Variants in DPH6 observed in about 807,000 individuals in gnomAD.
The protein encoded by DPH6 is diphthine--ammonia ligase.
In DPH6, 33 loss-of-function variants were observed where a neutral mutation model predicts 38.2. The observed-to-expected ratio is 0.86, with a 90% CI of 0.65 to 1.15. The LOEUF is 1.15. Among genes scored for constraint, DPH6 ranks in the 50% most tolerant of loss-of-function variants. The pLI, the probability that DPH6 is intolerant of heterozygous loss-of-function variation, is 0.00. For missense variants in DPH6, 325 were observed against 320.0 expected (o/e 1.02, Z -0.12); for synonymous variants, 108 against 103.0 (o/e 1.05, Z -0.30).
intron 5 of DPH6, among the ~76,000 whole-genome samples, chr15:35,417,268 G>GA (rs2053447940): frequency 6.6e-6 from 1 of 151,838 alleles, no homozygotes; most frequent in Non-Finnish European, 1.5e-5. Context: ...ACAAAGATCT[G>GA]AAAAAACAGA....
At chr15:35,313,231 TA>T (rs1396845162) in intron 3 of DPH6, among the ~76,000 whole-genome samples, 4 of 151,540 alleles carry the variant, frequency 2.6e-5, no homozygotes, top group East Asian at 1.9e-4. Flanking sequence ...AGACTCAGTT[TA>T]AAAAAAAATT....
chr15:35,288,489 G>C (rs1446595040), intron 3 of DPH6, among the ~76,000 whole-genome samples: 1 of 151,816 alleles, frequency 6.6e-6, no homozygotes, highest in Non-Finnish European at 1.5e-5. Context: ...AATTTTTTTT[G>C]AGGTACGTTT....
chr15:35,269,392 A>T (rs1199978188), intron 3 of DPH6, among the ~76,000 whole-genome samples: 1 of 152,168 alleles, frequency 6.6e-6, no homozygotes, highest in Non-Finnish European at 1.5e-5. Flanking sequence ...ACAAAATGAG[A>T]TGTTTAGACT....
chr15:35,337,493 C>T (rs1199920697), intron 3 of DPH6, among the ~76,000 whole-genome samples: 2 of 152,088 alleles, frequency 1.3e-5, no homozygotes, highest in African/African-American at 4.8e-5. Context: ...AGGACCTCTT[C>T]AAGGAGAACT....
At chr15:35,325,926 G>T (rs2052278433), downstream of DPH6, among the ~76,000 whole-genome samples, 2 of 151,982 alleles carry the variant, frequency 1.3e-5, no homozygotes, top group Non-Finnish European at 2.9e-5. Flanking sequence ...ACACAAAACG[G>T]CAGATAAATA....
intron 3 of DPH6, among the ~76,000 whole-genome samples, chr15:35,261,036 C>T (rs985479120): frequency 2.0e-5 from 3 of 152,132 alleles, no homozygotes; most frequent in Non-Finnish European, 4.4e-5. Flanking sequence ...AGGAAATTCC[C>T]GGAAGTCAAA....
chr15:35,387,308 T>A (rs930200140), intron 6 of DPH6, among the ~76,000 whole-genome samples: 4 of 152,196 alleles, frequency 2.6e-5, no homozygotes, highest in African/African-American at 9.6e-5. Flanking sequence ...TGGCTTAGGA[T>A]TGACTTGGCA....
At chr15:35,410,155 T>C (rs912810835) in intron 6 of DPH6, among the ~76,000 whole-genome samples, 1 of 151,816 alleles carries the variant, frequency 6.6e-6, no homozygotes, top group African/African-American at 2.4e-5. Context: ...TTAAAAGAGA[T>C]AGGTTCTTTC....
intron 3 of DPH6, among the ~76,000 whole-genome samples, chr15:35,236,031 T>C (rs560196739): frequency 6.6e-6 from 1 of 152,344 alleles, no homozygotes; most frequent in South Asian, 2.1e-4. Flanking sequence ...ACAAAGAGCT[T>C]TCTAATCAAG....
intron 3 of DPH6, chr15:35,489,862 T>C (rs986178789): frequency 1.0e-6 from 1 of 968,966 alleles, no homozygotes; most frequent in Admixed American, 6.2e-5. Flanking sequence ...GTTACCTGGA[T>C]TATACATTTT....
At chr15:35,429,067 T>C (rs2141028396) in intron 5 of DPH6, among the ~76,000 whole-genome samples, 2 of 152,294 alleles carry the variant, frequency 1.3e-5, no homozygotes, top group East Asian at 3.9e-4. Flanking sequence ...GATCCAATTG[T>C]TTACAGAATA....
intron 3 of DPH6, among the ~76,000 whole-genome samples, chr15:35,226,213 G>A (rs1041773708): frequency 6.6e-5 from 10 of 152,134 alleles, no homozygotes; most frequent in Non-Finnish European, 1.5e-4. Context: ...TATCTATTCG[G>A]TTTTCTGCAA....
the DPH6 span, among the ~76,000 whole-genome samples, chr15:35,179,070 G>A: frequency 6.6e-6 from 1 of 151,828 alleles, no homozygotes; most frequent in Non-Finnish European, 1.5e-5. Flanking sequence ...GCCAGGCATG[G>A]TGGCACATGC....
At chr15:35,335,106 G>A in intron 3 of DPH6, among the ~76,000 whole-genome samples, 1 of 152,166 alleles carries the variant, frequency 6.6e-6, no homozygotes, top group East Asian at 1.9e-4. Context: ...TGAATGGCAT[G>A]AGATGGTATT....
chr15:35,269,485 A>AT (rs1008965829), intron 3 of DPH6, among the ~76,000 whole-genome samples: 23 of 151,612 alleles, frequency 1.5e-4, no homozygotes, highest in African/African-American at 5.6e-4. Context: ...TTTTATTTTT[A>AT]TTTTTTTTGA....
At chr15:35,386,013 C>A (rs1242223358) in intron 6 of DPH6, among the ~76,000 whole-genome samples, 2 of 152,020 alleles carry the variant, frequency 1.3e-5, no homozygotes, top group Non-Finnish European at 1.5e-5. Flanking sequence ...CACCCCACAA[C>A]AGGCCCCGGT....
intron 3 of DPH6, among the ~76,000 whole-genome samples, chr15:35,334,684 G>C (rs1228860298): frequency 6.6e-6 from 1 of 152,044 alleles, no homozygotes; most frequent in Non-Finnish European, 1.5e-5. Context: ...ATGTTAGTTT[G>C]CTGAGGATAA....
At chr15:35,306,822 CAGAGA>C (rs2052095947) in intron 3 of DPH6, among the ~76,000 whole-genome samples, 1 of 152,180 alleles carries the variant, frequency 6.6e-6, no homozygotes, top group Admixed American at 6.5e-5. Context: ...GAGCTCTCTG[CAGAGA>C]ACACACCCAA....
intron 3 of DPH6, among the ~76,000 whole-genome samples, chr15:35,256,774 C>T (rs566058450): frequency 6.6e-6 from 1 of 152,268 alleles, no homozygotes; most frequent in South Asian, 2.1e-4. Flanking sequence ...GAAGAACATA[C>T]ATCCTGACCT....
Sources: allele counts gnomAD v4.1 joint callset (sites outside exome capture counted in the v4.1 genomes callset), GRCh38; gene constraint gnomAD v4.1.1; transcripts MANE v1.5; gene names NCBI Gene and HGNC (gene_info 2026-07-23, HGNC 2026-07-21).